The following PRKN variants were observed in gnomAD, a reference collection of about 807,000 sequenced individuals.
PRKN encodes parkin RBR E3 ubiquitin protein ligase, also known as E3 ubiquitin-protein ligase parkin.
Under a neutral mutation model 59.5 loss-of-function variants are expected in PRKN, and 56 were observed. That is an observed-to-expected ratio of 0.94 (90% confidence interval 0.76 to 1.18). The LOEUF is 1.18. PRKN is among the 50% of genes most tolerant of loss of function. The pLI is 0.00. For missense variants in PRKN, 657 were observed against 596.4 expected (o/e 1.10, Z -1.06); for synonymous variants, 250 against 222.1 (o/e 1.13, Z -1.12).
At chr6:161,364,247 T>G (rs558746291) in intron 10 of PRKN, among the ~76,000 whole-genome samples, 1 of 143,696 alleles carries the variant, frequency 7.0e-6, no homozygotes, top group East Asian at 2.2e-4. Context: ...GATCACCAAG[T>G]CAGGAGTTTG....
intron 2 of PRKN, among the ~76,000 whole-genome samples, chr6:162,296,488 G>C (rs1322563449): frequency 3.9e-5 from 6 of 151,912 alleles, no homozygotes; most frequent in Non-Finnish European, 5.9e-5. Context: ...AAATCCCCCG[G>C]AGCTGCCTGA....
intron 6 of PRKN, among the ~76,000 whole-genome samples, chr6:161,813,789 C>A (rs1022443851): frequency 1.3e-5 from 2 of 152,212 alleles, no homozygotes; most frequent in African/African-American, 4.8e-5. Context: ...CTCCTCCATG[C>A]CTCCTGGAGC....
intron 6 of PRKN, among the ~76,000 whole-genome samples, chr6:161,796,320 A>C (rs531678916): frequency 6.6e-6 from 1 of 152,338 alleles, no homozygotes; most frequent in South Asian, 2.1e-4. Flanking sequence ...CAATGTAACA[A>C]GAGATATTAG....
chr6:161,644,891 G>T (rs1351848275), intron 7 of PRKN, among the ~76,000 whole-genome samples: 1 of 152,200 alleles, frequency 6.6e-6, no homozygotes, highest in Non-Finnish European at 1.5e-5. Flanking sequence ...ACTTTAGTTG[G>T]ATTCTATTAC....
intron 2 of PRKN, among the ~76,000 whole-genome samples, chr6:162,371,057 G>A (rs572665666): frequency 3.9e-5 from 6 of 152,304 alleles, no homozygotes; most frequent in East Asian, 1.9e-4. Flanking sequence ...AAAGCCAGAC[G>A]AAGACAGAAG....
rs1224633504 is a variant in PRKN at position 161,576,260 on chromosome 6, G to A, written c.872-6844C>T. Among the ~76,000 whole-genome samples the A allele has an allele frequency of 1.3e-5, 2 of 152,160 alleles. No homozygotes were observed. The highest frequency in any genetic ancestry group is 4.8e-5 in the African/African-American group (2 of 41,438). ...TTTAATCCTTTCTCTCTGCTGATGG[G>A]TTTTTATTTATAAAGGATTATTCAT... On this transcript the variant is annotated intron_variant, in intron 7 of 11. Transcript: ENST00000366898. The surrounding 1 kb of genome is among the most constrained non-coding windows in gnomAD (Gnocchi z 4.6).
chr6:162,589,827 T>C (rs1781228801), intron 1 of PRKN, among the ~76,000 whole-genome samples: 1 of 152,212 alleles, frequency 6.6e-6, no homozygotes, highest in Non-Finnish European at 1.5e-5. Flanking sequence ...TAAACATATA[T>C]TCACATATTG....
intron 1 of PRKN, among the ~76,000 whole-genome samples, chr6:162,693,557 G>T (rs1777858411): frequency 6.6e-6 from 1 of 152,082 alleles, no homozygotes; most frequent in Non-Finnish European, 1.5e-5. Flanking sequence ...CTCTCTAAAT[G>T]CATTAAAGGA....
intron 7 of PRKN, among the ~76,000 whole-genome samples, chr6:161,612,332 A>C (rs191020044): frequency 6.6e-6 from 1 of 152,358 alleles, no homozygotes; most frequent in East Asian, 1.9e-4. Flanking sequence ...GCTTCAAATG[A>C]CAGGCTGATT....
chr6:162,348,226 C>T (rs1375317885), intron 2 of PRKN, among the ~76,000 whole-genome samples: 4 of 152,140 alleles, frequency 2.6e-5, no homozygotes, highest in Admixed American at 1.3e-4. Flanking sequence ...ACAGAGTGGC[C>T]GGCCTCTGGT....
rs181541342 is a variant in PRKN at position 161,805,162 on chromosome 6, T to A, written c.735-19254A>T. Among the ~76,000 whole-genome samples the A allele has an allele frequency of 4.3e-4, 66 of 152,326 alleles. No individual in the cohort carries two copies. The East Asian group carries it at 8.9e-3, about 21-fold the overall frequency. On this transcript the variant is annotated intron_variant, in intron 6 of 11. Coordinates refer to ENST00000366898, the MANE Select transcript of PRKN (RefSeq NM_004562.3). ...GTCATGAATTTTCTGCCTGGGCTAC[T>A]GTAGAAACAATGTGTCTCAATTCAC...
intron 2 of PRKN, among the ~76,000 whole-genome samples, chr6:162,380,510 TATATATATATATATGTATATATAC>T (rs1222011716): frequency 2.4e-5 from 1 of 40,854 alleles, no homozygotes; most frequent in African/African-American, 1.0e-4. Context: ...TATATGTGTG[TATATATATATATATGTATATATAC>T]ATATATATAT....
At chr6:161,753,869 T>G (rs1441423229) in intron 7 of PRKN, among the ~76,000 whole-genome samples, 1 of 152,138 alleles carries the variant, frequency 6.6e-6, no homozygotes, top group Non-Finnish European at 1.5e-5. Flanking sequence ...TAAAAAGATG[T>G]GTGCAGTGCA....
At chr6:162,036,152 G>A (rs992642661) in intron 5 of PRKN, among the ~76,000 whole-genome samples, 42 of 151,384 alleles carry the variant, frequency 2.8e-4, no homozygotes, top group African/African-American at 6.5e-4. Flanking sequence ...GTGAAACCCC[G>A]TCTCTACTAA....
intron 6 of PRKN, among the ~76,000 whole-genome samples, chr6:161,791,777 G>A (rs1486796571): frequency 3.3e-5 from 5 of 152,160 alleles, no homozygotes; most frequent in South Asian, 4.1e-4. Context: ...ATATTGCCAC[G>A]CTCACGCTCT....
chr6:161,350,294 T>TA (rs1784477751), intron 11 of PRKN, 83 bp from the exon 12 acceptor site: 1 of 861,302 alleles, frequency 1.2e-6, no homozygotes, highest in South Asian at 1.4e-5. Context: ...CACGCTAGCC[T>TA]AGACATCACT....
At chr6:161,730,615 ATTCTGATGTGTTGCATTCT>A (rs1787659203) in intron 7 of PRKN, among the ~76,000 whole-genome samples, 1 of 144,274 alleles carries the variant, frequency 6.9e-6, no homozygotes, top group Non-Finnish European at 1.5e-5. Context: ...GATACATCAC[ATTCTGATGTGTTGCATTCT>A]TTCTGATGTG....
At chr6:161,624,235 C>T (rs1011861662) in intron 7 of PRKN, among the ~76,000 whole-genome samples, 2 of 152,206 alleles carry the variant, frequency 1.3e-5, no homozygotes, top group Non-Finnish European at 2.9e-5. Context: ...ACATAAAATT[C>T]ATTAGTGGCG....
chr6:161,723,238 C>T (rs1354485957), intron 7 of PRKN, among the ~76,000 whole-genome samples: 1 of 151,050 alleles, frequency 6.6e-6, no homozygotes, highest in Non-Finnish European at 1.5e-5. Flanking sequence ...CACTGCACTC[C>T]AGCCTGGGCA....
Sources: allele counts gnomAD v4.1 joint callset (sites outside exome capture counted in the v4.1 genomes callset), GRCh38; gene constraint gnomAD v4.1.1; non-coding constraint Gnocchi (gnomAD v3.1); transcripts MANE v1.5; gene names NCBI Gene and HGNC (gene_info 2026-07-23, HGNC 2026-07-21).